ARHGAP27: variants seen among roughly 807,000 people sequenced by gnomAD.
The protein encoded by ARHGAP27 is Rho GTPase activating protein 27.
A neutral mutation model predicts 102.0 loss-of-function variants in ARHGAP27; 53 were observed. The observed-to-expected ratio is 0.52, with a 90% CI of 0.42 to 0.65. The LOEUF (loss-of-function observed/expected upper bound fraction) is 0.65. Among genes scored for constraint, ARHGAP27 ranks in the 30% least tolerant of loss-of-function variants. The pLI is 0.00. For missense variants in ARHGAP27, 1,117 were observed against 1,256.2 expected (o/e 0.89, Z 1.68); for synonymous variants, 525 against 542.8 (o/e 0.97, Z 0.46).
In ARHGAP27 at chr17:45,430,386, C is replaced by T; in HGVS notation, c.-18-89G>A. ...TCGGGGACAGACTTGGGTTCGAGTC[C>T]CGATCCTGCACTCGCCGTTCGCCTT... On this transcript the variant is annotated intron_variant, in intron 3 of 19. Transcript: ENST00000685559. The surrounding 1 kb of genome is among the most constrained non-coding windows in gnomAD (Gnocchi z 4.4). 6.8e-7 allele frequency: 1 copy of T among 1,471,652 alleles called. No homozygotes were observed. Among genetic ancestry groups the T allele is most frequent in the Non-Finnish European group, 8.9e-7 (1 of 1,122,006 alleles). 91.2% of individuals were successfully genotyped at this position (1,471,652 alleles called of 1,614,324 possible).
Position 45,410,404 on chromosome 17 carries a change from G to A in ARHGAP27, c.658-4321C>T, listed in dbSNP as rs2047777687. Reference sequence around the variant, plus strand: ...AGGGAAACAAGAAGTTGCCGAGATGGCGGGAGGCTGAGACTCCAGCCCATT... The same window carrying A: ...AGGGAAACAAGAAGTTGCCGAGATGACGGGAGGCTGAGACTCCAGCCCATT... On this transcript the variant is annotated intron_variant, in intron 4 of 19. Coordinates refer to ENST00000685559, the MANE Select transcript of ARHGAP27 (RefSeq NM_001282290.2). 4 of 1,375,418 alleles carry A rather than the reference G, an allele frequency of 2.9e-6. No individual in the cohort carries two copies. The Admixed American group carries it at 1.4e-4, about 48-fold the overall frequency. 85.2% of individuals were successfully genotyped at this position (1,375,418 alleles called of 1,614,324 possible). A position where few individuals can be genotyped will look rare whatever the true frequency, so the allele number is the denominator to read the frequency against.
chr17:45,402,940 G>T, intron 11 of ARHGAP27, 122 bp from the exon 12 acceptor site: 2 of 859,584 alleles, frequency 2.3e-6, no homozygotes, highest in Non-Finnish European at 3.7e-6. Context: ...GGGGAAAAGT[G>T]CCCCAAGTGT....
chr17:45,418,053 A>AT (rs2048657314), intron 4 of ARHGAP27, among the ~76,000 whole-genome samples: 1 of 149,894 alleles, frequency 6.7e-6, no homozygotes, highest in African/African-American at 2.4e-5. Context: ...AAAAAAAAAA[A>AT]ATTTTTTTAC....
At chr17:45,404,193 T>A (rs142703111) in intron 9 of ARHGAP27, 76 bp downstream of exon 9, 51,976 of 1,609,752 alleles carry the variant, frequency 0.032, 1,064 homozygotes, top group Middle Eastern at 0.045. Context: ...CCACTCTCTA[T>A]GGTCTGGGCC....
intron 4 of ARHGAP27, among the ~76,000 whole-genome samples, chr17:45,416,041 T>TG (rs1555562078): frequency 3.3e-5 from 5 of 151,968 alleles, no homozygotes; most frequent in African/African-American, 1.2e-4. Context: ...TGTTTTTTTT[T>TG]TTTGTTTGTT....
rs2046746651 is a variant in ARHGAP27 at position 45,403,646 on chromosome 17, G to A, written c.1611C>T (p.Asp537=). 6.2e-7 allele frequency: 1 copy of A among 1,614,050 alleles called. No homozygotes were observed. The highest frequency in any genetic ancestry group is 8.5e-7 in the Non-Finnish European group (1 of 1,180,004). The change falls in exon 11 of 20, where the codon GAC becomes GAT. Residue 537 remains aspartate (D), a synonymous_variant. Transcript: ENST00000685559. The part of the protein sequence containing the change: ...LEGGVLTFFK[D]SKTSAAGGLR... The stretch of plus-strand genomic sequence containing the variant: ...GGCCGCCTGCAGCCGAGGTCTTTGA[G>A]TCCTTGAAGAATGTCAGGACGCCAC...
In ARHGAP27 at chr17:45,418,912, G is replaced by A. The variant is rs115064341; in HGVS notation, c.657+10711C>T. Among the ~76,000 whole-genome samples the A allele has an allele frequency of 5.1e-3, 773 of 152,292 alleles. 9 individuals carry two copies. Among genetic ancestry groups the A allele is most frequent in the African/African-American group, 0.018 (738 of 41,558 alleles). The stretch of plus-strand genomic sequence containing the variant: ...AAGGAGACAGGGAGAATTCCTGCTG[G>A]TGTTTTGACATCACAGATGCCCCAT... On this transcript the variant is annotated intron_variant, in intron 4 of 19. Coordinates refer to ENST00000685559, the MANE Select transcript of ARHGAP27 (RefSeq NM_001282290.2).
chr17:45,425,545 C>T, intron 4 of ARHGAP27: 1 of 984,256 alleles, frequency 1.0e-6, no homozygotes, highest in African/African-American at 1.7e-5. Flanking sequence ...CCCCTAGTCC[C>T]CCAGGGGCGA....
intron 13 of ARHGAP27, 45 bp downstream of exon 13, chr17:45,397,904 G>A: frequency 2.0e-6 from 3 of 1,533,960 alleles, no homozygotes; most frequent in Non-Finnish European, 2.7e-6. Context: ...ACTCATAATG[G>A]CCACCCCCTC....
At chr17:45,405,528 G>C in intron 5 of ARHGAP27, 148 bp downstream of exon 5, 2 of 1,171,538 alleles carry the variant, frequency 1.7e-6, no homozygotes, top group East Asian at 2.6e-5. Flanking sequence ...GGGTCTGTGG[G>C]AGCAGGAGAA....
intron 16 of ARHGAP27, 52 bp downstream of exon 16, chr17:45,396,435 A>G: frequency 6.8e-7 from 1 of 1,480,090 alleles, no homozygotes; most frequent in South Asian, 1.3e-5. Context: ...TCCTGGCAGG[A>G]GGCCTGCGGG....
rs148792420 is a variant in ARHGAP27, at chr17:45,395,478, G to A, written c.2648C>T (p.Ala883Val). The change falls in exon 20 of 20, where the codon GCG becomes GTG. Residue 883 changes from alanine (A) to valine (V), a missense_variant. Transcript: ENST00000685559. ...CAGTCAGTGCGGCGGGAAGATGTCCGCGCACTGCTGCAGGATGAGCTCCAC... is the reference window on the plus strand; with the variant it reads ...CAGTCAGTGCGGCGGGAAGATGTCCACGCACTGCTGCAGGATGAGCTCCAC... ...QVVELILQQC[A>V]DIFPPH The A allele has an allele frequency of 1.6e-4, 244 of 1,568,968 alleles. No individual in the cohort carries two copies. The Middle Eastern group carries it at 2.2e-3, about 14-fold the overall frequency.
intron 11 of ARHGAP27, 109 bp from the exon 12 acceptor site, chr17:45,402,927 T>C: frequency 1.0e-6 from 1 of 989,036 alleles, no homozygotes; most frequent in Non-Finnish European, 1.6e-6. Context: ...AGGAAACAAC[T>C]CTGGGGAAAA....
In ARHGAP27 at chr17:45,430,400, G is replaced by C; in HGVS notation, c.-18-103C>G. The C allele has an allele frequency of 6.9e-7, 1 of 1,446,586 alleles. No homozygotes were observed. The highest frequency in any genetic ancestry group is 9.0e-7 in the Non-Finnish European group (1 of 1,105,462). The allele number at this position is 1,446,586 out of a possible 1,614,324, so 89.6% of individuals were successfully genotyped here. A position where few individuals can be genotyped will look rare whatever the true frequency, so the allele number is the denominator to read the frequency against. Reference sequence around the variant, plus strand: ...GGGTTCGAGTCCCGATCCTGCACTCGCCGTTCGCCTTCGGGCCTCAGTTTT... The same window carrying C: ...GGGTTCGAGTCCCGATCCTGCACTCCCCGTTCGCCTTCGGGCCTCAGTTTT... On this transcript the variant is annotated intron_variant, in intron 3 of 19. Transcript: ENST00000685559. The surrounding 1 kb of genome is among the most constrained non-coding windows in gnomAD (Gnocchi z 4.4).
Position 45,421,161 on chromosome 17 carries a change from G to A in ARHGAP27, c.657+8462C>T, listed in dbSNP as rs549316721. On this transcript the variant is annotated intron_variant, in intron 4 of 19. Coordinates refer to ENST00000685559, the MANE Select transcript of ARHGAP27 (RefSeq NM_001282290.2). ...CAGTTGGGAGCGCTCACATGCAAAG[G>A]AAAGAAAAGGTAAAAGAAACAATAA... Among the ~76,000 whole-genome samples the A allele has an allele frequency of 2.2e-5, 3 of 133,764 alleles. No individual in the cohort carries two copies. The East Asian group carries it at 6.5e-4, about 29-fold the overall frequency. 87.8% of individuals were successfully genotyped at this position (133,764 alleles called of 152,430 possible). A position where few individuals can be genotyped will look rare whatever the true frequency, so the allele number is the denominator to read the frequency against.
chr17:45,395,267 A>G lies in ARHGAP27; in HGVS notation c.*189T>C. On this transcript the variant is annotated 3_prime_UTR_variant, in exon 20 of 20. Coordinates refer to ENST00000685559, the MANE Select transcript of ARHGAP27 (RefSeq NM_001282290.2). ...AAGGGGGGATGGGGAGTTGGGAAGAAGGAATCACATTTTGCAAACTGCCCA... is the reference window on the plus strand; with the variant it reads ...AAGGGGGGATGGGGAGTTGGGAAGAGGGAATCACATTTTGCAAACTGCCCA... 1 of 660,576 alleles carries G rather than the reference A, an allele frequency of 1.5e-6. No homozygotes were observed. The highest frequency in any genetic ancestry group is 2.5e-6 in the Non-Finnish European group (1 of 400,308). 40.9% of individuals were successfully genotyped at this position (660,576 alleles called of 1,614,324 possible). A position where few individuals can be genotyped will look rare whatever the true frequency, so the allele number is the denominator to read the frequency against.
intron 8 of ARHGAP27, 42 bp from the exon 9 acceptor site, chr17:45,404,376 C>G (rs188777118): frequency 0.012 from 20,028 of 1,613,632 alleles, 274 homozygotes; most frequent in Middle Eastern, 0.015. Context: ...TCCCTCCTCC[C>G]AGGAACTCCA....
chr17:45,410,473 G>C, intron 4 of ARHGAP27: 2 of 1,300,492 alleles, frequency 1.5e-6, no homozygotes, highest in South Asian at 3.5e-5. Flanking sequence ...GGGGCGGGTG[G>C]GGTGGAGGGG....
At chr17:45,423,130 G>A (rs1350878129) in intron 4 of ARHGAP27, among the ~76,000 whole-genome samples, 20 of 151,988 alleles carry the variant, frequency 1.3e-4, no homozygotes, top group Non-Finnish European at 2.1e-4. Context: ...GCGGTGAGCC[G>A]AGACCACGCC....
Sources: gnomAD v4.1 joint callset for allele counts (sites outside exome capture counted in the v4.1 genomes callset) on GRCh38, gnomAD v4.1.1 for gene constraint, Gnocchi (gnomAD v3.1) non-coding constraint, MANE v1.5 for transcripts, NCBI Gene and HGNC (gene_info 2026-07-23, HGNC 2026-07-21) for gene names.